CILP: variants seen among roughly 807,000 people sequenced by gnomAD.
The protein encoded by CILP is cartilage intermediate layer protein.
A neutral mutation model predicts 82.5 loss-of-function variants in CILP; 75 were observed. The observed-to-expected ratio is 0.91, with a 90% CI of 0.75 to 1.10. CILP has a LOEUF of 1.10. Among genes scored for constraint, CILP ranks in the 50% least tolerant of loss-of-function variants. CILP has a pLI of 0.00. For missense variants in CILP, 1,479 were observed against 1,530.8 expected (o/e 0.97, Z 0.56); for synonymous variants, 530 against 580.3 (o/e 0.91, Z 1.25).
At chr15:65,209,319 A>C (rs772551346) in intron 2 of CILP, among the ~76,000 whole-genome samples, 7 of 152,120 alleles carry the variant, frequency 4.6e-5, no homozygotes, top group Non-Finnish European at 1.0e-4. Flanking sequence ...CTAAAAACAG[A>C]CCAAACCCCA....
At chr15:65,210,964 G>T (rs572315015) in intron 1 of CILP, among the ~76,000 whole-genome samples, 2 of 152,324 alleles carry the variant, frequency 1.3e-5, no homozygotes, top group African/African-American at 4.8e-5. Flanking sequence ...GCCTGAGCCT[G>T]AGCCTGCTCC....
intron 4 of CILP, among the ~76,000 whole-genome samples, chr15:65,205,996 T>C (rs1345278490): frequency 6.6e-6 from 1 of 152,154 alleles, no homozygotes; most frequent in Non-Finnish European, 1.5e-5. Context: ...CGTCTGGGCC[T>C]GGGGGATCTT....
intron 8 of CILP, among the ~76,000 whole-genome samples, chr15:65,201,104 C>T (rs530861341): frequency 6.6e-6 from 1 of 152,012 alleles, no homozygotes; most frequent in Non-Finnish European, 1.5e-5. Context: ...TGAGTTCAAG[C>T]GATTCTACTA....
chr15:65,201,867 C>T lies in CILP; in HGVS notation c.1186+5G>A, dbSNP rs1445986830. On this transcript the variant is annotated splice_donor_5th_base_variant and intron_variant, in intron 8 of 8. Coordinates refer to ENST00000261883, the MANE Select transcript of CILP (RefSeq NM_003613.4). ...CAGGGGCCCCAGGGACCCAGACAGGCTTACCTATGACAATCAGCTGGGCAA... is the reference window on the plus strand; with the variant it reads ...CAGGGGCCCCAGGGACCCAGACAGGTTTACCTATGACAATCAGCTGGGCAA... 2 of 1,525,016 alleles carry T rather than the reference C, an allele frequency of 1.3e-6. No homozygotes were observed. Among genetic ancestry groups the T allele is most frequent in the Non-Finnish European group, 1.8e-6 (2 of 1,136,386 alleles). The allele number at this position is 1,525,016 out of a possible 1,614,324, so 94.5% of individuals were successfully genotyped here. A position where few individuals can be genotyped will look rare whatever the true frequency, so the allele number is the denominator to read the frequency against.
chr15:65,207,605 G>T, intron 3 of CILP, 67 bp downstream of exon 3: 1 of 1,409,984 alleles, frequency 7.1e-7, no homozygotes, highest in Non-Finnish European at 1.0e-6. Context: ...CCTGGCTTCA[G>T]AGATCCACTT....
In CILP at chr15:65,196,632, A is replaced by C. The variant is rs1431729028; in HGVS notation, c.*99T>G. 1 of 1,119,228 alleles carries C rather than the reference A, an allele frequency of 8.9e-7. No individual in the cohort carries two copies. Among genetic ancestry groups the C allele is most frequent in the African/African-American group, 1.6e-5 (1 of 64,236 alleles). 69.3% of individuals were successfully genotyped at this position (1,119,228 alleles called of 1,614,324 possible). On this transcript the variant is annotated 3_prime_UTR_variant, in exon 9 of 9. Coordinates refer to ENST00000261883, the MANE Select transcript of CILP (RefSeq NM_003613.4). ...AGAAACAAACAAGCAAATTCACGAA[A>C]ACAGAAGTGCTTAAATTAACCAAGT...
chr15:65,197,254 C>G lies in CILP; in HGVS notation c.3032G>C (p.Ser1011Thr). ...VSAACLEFKC[S>T]GMLYDQDRVD... ...ACGGTCCTGATCATAGAGCATCCCA[C>G]TGCACTTGAACTCCAGACAGGCAGC... is the stretch of plus-strand genomic sequence containing the variant. Residue 1011 changes from serine (S) to threonine (T), a missense_variant, in exon 9 of 9, where the codon AGT becomes ACT. Physicochemically the swap from Ser to Thr is moderately conservative, Grantham distance 58. Transcript: ENST00000261883. The G allele has an allele frequency of 1.2e-6, 2 of 1,614,114 alleles. No individual in the cohort carries two copies. The highest frequency in any genetic ancestry group is 1.7e-6 in the Non-Finnish European group (2 of 1,179,996).
Position 65,206,843 on chromosome 15 carries a change from G to C in CILP, c.363C>G (p.Asn121Lys), listed in dbSNP as rs575658446. The change falls in exon 4 of 9, where the codon AAC becomes AAG. Residue 121 changes from asparagine to lysine, a missense_variant. Transcript: ENST00000261883. ...AGTTCTGGCCAGGCCGCTGCTCCCT[G>C]TTGAGGCACCAGAAACCCTCACGGG... ...GSPREGFWCLNREQRPGQNCS... is the reference protein window; with the variant it reads ...GSPREGFWCLKREQRPGQNCS... 6.2e-7 allele frequency: 1 copy of C among 1,614,066 alleles called. No individual in the cohort carries two copies. Among genetic ancestry groups the C allele is most frequent in the South Asian group, 1.1e-5 (1 of 91,080 alleles).
intron 7 of CILP, among the ~76,000 whole-genome samples, chr15:65,202,626 C>A (rs1416710302): frequency 1.3e-5 from 2 of 151,964 alleles, no homozygotes; most frequent in African/African-American, 4.8e-5. Flanking sequence ...TGGGGTTTCA[C>A]CATGTTGGCC....
At chr15:65,209,210 A>T (rs1395452888) in intron 2 of CILP, among the ~76,000 whole-genome samples, 2 of 152,070 alleles carry the variant, frequency 1.3e-5, no homozygotes, top group Non-Finnish European at 2.9e-5. Flanking sequence ...GGATGCAGTC[A>T]GAGGGCAAGG....
chr15:65,197,474 T>C lies in CILP; in HGVS notation c.2812A>G (p.Thr938Ala). 1 of 1,614,238 alleles carries C rather than the reference T, an allele frequency of 6.2e-7. No homozygotes were observed. Among genetic ancestry groups the C allele is most frequent in the Non-Finnish European group, 8.5e-7 (1 of 1,180,042 alleles). Residue 938 changes from threonine (T) to alanine (A), a missense_variant, in exon 9 of 9, where the codon ACT becomes GCT. Transcript: ENST00000261883. ...PFNEDDPMSW[T>A]EDYLAWWPKP... Reference sequence around the variant, plus strand: ...GGCCACCATGCCAGATAGTCTTCAGTCCAGCTCATAGGGTCATCTTCGTTG... The same window carrying C: ...GGCCACCATGCCAGATAGTCTTCAGCCCAGCTCATAGGGTCATCTTCGTTG...
At chr15:65,209,012 C>CTTTT (rs556369891) in intron 2 of CILP, among the ~76,000 whole-genome samples, 280 of 69,854 alleles carry the variant, frequency 4.0e-3, no homozygotes, top group Middle Eastern at 0.014. Flanking sequence ...GGGTTTTGAG[C>CTTTT]TTTTTTTTTT....
intron 8 of CILP, 103 bp from the exon 9 acceptor site, chr15:65,199,202 T>C: frequency 1.3e-6 from 1 of 761,200 alleles, no homozygotes; most frequent in South Asian, 1.8e-5. Context: ...TTCAAAGGAC[T>C]TGTATATCCA....
At chr15:65,208,744 C>A (rs942596193) in intron 2 of CILP, among the ~76,000 whole-genome samples, 3 of 152,222 alleles carry the variant, frequency 2.0e-5, no homozygotes, top group Admixed American at 6.5e-5. Flanking sequence ...GAAGCTTTGA[C>A]AGGCAATTAA....
chr15:65,198,441 G>A lies in CILP; in HGVS notation c.1845C>T (p.Pro615=). The change falls in exon 9 of 9, where the codon CCC becomes CCT. Residue 615 remains proline (P), a synonymous_variant. Coordinates refer to ENST00000261883, the MANE Select transcript of CILP (RefSeq NM_003613.4). ...SRSFYRQNGE[P]YIGKVKASVT... ...CACTGGCCTTCACTTTTCCTATGTA[G>A]GGCTCCCCATTCTGCCTGTAGAAAC... is the stretch of plus-strand genomic sequence containing the variant. The A allele has an allele frequency of 6.2e-7, 1 of 1,614,198 alleles. No individual in the cohort carries two copies. The highest frequency in any genetic ancestry group is 8.5e-7 in the Non-Finnish European group (1 of 1,180,004).
In CILP at chr15:65,206,927, C is replaced by G. The variant is rs552820264; in HGVS notation, c.279G>C (p.Glu93Asp). 1.4e-4 allele frequency: 218 copies of G among 1,613,924 alleles called. No homozygotes were observed. The highest frequency in any genetic ancestry group is 1.0e-5 in the Non-Finnish European group (12 of 1,180,030). Residue 93 changes from glutamate to aspartate, a missense_variant, in exon 4 of 9, where the codon GAG becomes GAC. Physicochemically the swap from Glu to Asp is conservative, Grantham distance 45. Coordinates refer to ENST00000261883, the MANE Select transcript of CILP (RefSeq NM_003613.4). ...DRVCARPLRL[E>D]ARTTDWTPAG... ...CAGGTGTCCAGTCAGTGGTCCGAGC[C>G]TCTAGCCGCAGGGGACGGGCACATA...
chr15:65,203,784 C>T (rs1202542469), intron 6 of CILP, among the ~76,000 whole-genome samples: 2 of 152,192 alleles, frequency 1.3e-5, no homozygotes, highest in African/African-American at 4.8e-5. Flanking sequence ...TTAAATAGTG[C>T]AATATTCATG....
chr15:65,197,904 G>A lies in CILP; in HGVS notation c.2382C>T (p.Gly794=). The stretch of plus-strand genomic sequence containing the variant: ...GGCCTGTGATGACACTGTCAAAGCG[G>A]CCCCAGGCCCTAGGGTTGGACAAGA... ...TGFLSNPRAW[G]RFDSVITGPN... is the part of the protein sequence containing the mutation. Residue 794 remains glycine, a synonymous_variant, in exon 9 of 9, where the codon GGC becomes GGT. Transcript: ENST00000261883. 6.2e-7 allele frequency: 1 copy of A among 1,614,052 alleles called. No individual in the cohort carries two copies. The highest frequency in any genetic ancestry group is 8.5e-7 in the Non-Finnish European group (1 of 1,180,000).
rs1485987629 is a variant in CILP at position 65,197,429 on chromosome 15, C to T, written c.2857G>A (p.Ala953Thr). 4 of 1,614,238 alleles carry T rather than the reference C, an allele frequency of 2.5e-6. No homozygotes were observed. The highest frequency in any genetic ancestry group is 3.4e-6 in the Non-Finnish European group (4 of 1,180,042). ...ACAATCTTCACCTTGATATAGCAGG[C>T]CCTGAATTCCATCGGCTTTGGCCAC... ...AWWPKPMEFR[A>T]CYIKVKIVGP... The change falls in exon 9 of 9, where the codon GCC (alanine) becomes ACC (threonine). Residue 953 changes from alanine to threonine, a missense_variant. Coordinates refer to ENST00000261883, the MANE Select transcript of CILP (RefSeq NM_003613.4).
Sources: allele counts gnomAD v4.1 joint callset (sites outside exome capture counted in the v4.1 genomes callset), GRCh38; gene constraint gnomAD v4.1.1; transcripts MANE v1.5; gene names NCBI Gene and HGNC (gene_info 2026-07-23, HGNC 2026-07-21).